RPH3A: variants seen among roughly 807,000 people sequenced by gnomAD.
RPH3A encodes the protein rabphilin 3A.
RPH3A carries 48 observed loss-of-function variants against 102.2 expected under a neutral mutation model. The ratio of observed to expected loss-of-function variants is 0.47; its 90% confidence interval spans 0.37 to 0.60. The LOEUF (loss-of-function observed/expected upper bound fraction) is 0.60, where lower values mean the gene tolerates loss of function less well. Among genes scored for constraint, RPH3A ranks in the 20% least tolerant of loss-of-function variants. The pLI, the probability that RPH3A is intolerant of heterozygous loss-of-function variation, is 0.00. For missense variants in RPH3A, 781 were observed against 910.1 expected (o/e 0.86, Z 1.83); for synonymous variants, 310 against 324.3 (o/e 0.96, Z 0.47).
In RPH3A at chr12:112,875,672, T is replaced by TG; in HGVS notation, c.884-6dup. The TG allele has an allele frequency of 6.2e-7, 1 of 1,613,198 alleles. No individual in the cohort carries two copies. Among genetic ancestry groups the TG allele is most frequent in the East Asian group, 2.2e-5 (1 of 44,836 alleles). On this transcript the variant is annotated splice_region_variant and splice_polypyrimidine_tract_variant and intron_variant, in intron 11 of 21. Coordinates refer to ENST00000389385, the MANE Select transcript of RPH3A (RefSeq NM_001143854.2). ...TGCATCTCTGTTTGTCTCCTCTCCC[T>TG]GCTCAGGGACCCCAGGAGGAAGCAG...
chr12:112,865,562 C>T lies in RPH3A; in HGVS notation c.360+19C>T, dbSNP rs761223646. ...TAAGAAGGTATCATCATCCTCTTCT[C>T]CCTTCTTCCCTGTGCAGCACCTGCA... On this transcript the variant is annotated intron_variant, in intron 6 of 21. Coordinates refer to ENST00000389385, the MANE Select transcript of RPH3A (RefSeq NM_001143854.2). 49 of 1,611,074 alleles carry T rather than the reference C, an allele frequency of 3.0e-5. No homozygotes were observed. Among genetic ancestry groups the T allele is most frequent in the Admixed American group, 6.7e-5 (4 of 59,906 alleles).
chr12:112,729,234 G>T (rs2040616663), intron 1 of RPH3A, among the ~76,000 whole-genome samples: 1 of 151,994 alleles, frequency 6.6e-6, no homozygotes, highest in Admixed American at 6.6e-5. Context: ...GACCTCCCAG[G>T]TTCGGTTTCC....
chr12:112,585,209 G>A (rs2039429810), intron 1 of RPH3A, among the ~76,000 whole-genome samples: 1 of 152,146 alleles, frequency 6.6e-6, no homozygotes, highest in South Asian at 2.1e-4. Context: ...TGATTAGATG[G>A]TGCTCACCCA....
intron 1 of RPH3A, among the ~76,000 whole-genome samples, chr12:112,586,053 A>C (rs1341795419): frequency 6.6e-6 from 1 of 152,168 alleles, no homozygotes; most frequent in East Asian, 1.9e-4. Context: ...ATATGTAAAA[A>C]GAAGAAAAAA....
intron 2 of RPH3A, among the ~76,000 whole-genome samples, chr12:112,823,977 T>C (rs138932303): frequency 0.014 from 2,092 of 152,300 alleles, 22 homozygotes; most frequent in Non-Finnish European, 0.02. Flanking sequence ...AATGAGCTCG[T>C]GGAGCAGAAC....
intron 17 of RPH3A, among the ~76,000 whole-genome samples, chr12:112,889,556 T>C (rs927700655): frequency 6.6e-6 from 1 of 152,234 alleles, no homozygotes; most frequent in Non-Finnish European, 1.5e-5. Context: ...AGGTTGGATT[T>C]AACCAATGGT....
chr12:112,713,636 G>A (rs2040495867), intron 1 of RPH3A, among the ~76,000 whole-genome samples: 1 of 152,054 alleles, frequency 6.6e-6, no homozygotes, highest in Admixed American at 6.6e-5. Flanking sequence ...TTTTGCCAGA[G>A]TAAGATAATT....
In RPH3A at chr12:112,898,188, C is replaced by G. The variant is rs1275189872; in HGVS notation, c.*1408C>G. The G allele has an allele frequency of 6.6e-6, 1 of 152,150 alleles. No homozygotes were observed. The highest frequency in any genetic ancestry group is 1.5e-5 in the Non-Finnish European group (1 of 68,028). The allele number at this position is 152,150 out of a possible 1,614,324, so 9.4% of individuals were successfully genotyped here. A position where few individuals can be genotyped will look rare whatever the true frequency, so the allele number is the denominator to read the frequency against. On this transcript the variant is annotated 3_prime_UTR_variant, in exon 22 of 22. Transcript: ENST00000389385. Reference sequence around the variant, plus strand: ...CTGATGCCAAAGGCTTTGGGCTCATCATCAATCTTTCACTTTCTTCCTATA... The same window carrying G: ...CTGATGCCAAAGGCTTTGGGCTCATGATCAATCTTTCACTTTCTTCCTATA...
chr12:112,789,117 C>A (rs2041071124), upstream of RPH3A, among the ~76,000 whole-genome samples: 1 of 152,140 alleles, frequency 6.6e-6, no homozygotes, highest in Admixed American at 6.5e-5. Flanking sequence ...GAGATCTCAC[C>A]ACTGCACTCC....
At chr12:112,865,283 G>A (rs1421672720) in intron 5 of RPH3A, 131 bp from the exon 6 acceptor site, 4 of 1,107,952 alleles carry the variant, frequency 3.6e-6, no homozygotes, top group African/African-American at 3.1e-5. Context: ...TTGGGGAAGA[G>A]TTCACAACTG....
At chr12:112,839,700 C>T (rs951433540) in intron 4 of RPH3A, among the ~76,000 whole-genome samples, 2 of 152,176 alleles carry the variant, frequency 1.3e-5, no homozygotes, top group Non-Finnish European at 2.9e-5. Context: ...GGAAAATAGA[C>T]TCTAGAGCCA....
intron 1 of RPH3A, among the ~76,000 whole-genome samples, chr12:112,677,746 GC>G (rs2040192005): frequency 6.6e-6 from 1 of 151,998 alleles, no homozygotes; most frequent in South Asian, 2.1e-4. Flanking sequence ...AAGGCACACA[GC>G]CCAGAGCTTG....
chr12:112,606,954 T>C (rs2039601235), intron 1 of RPH3A, among the ~76,000 whole-genome samples: 1 of 152,140 alleles, frequency 6.6e-6, no homozygotes. Context: ...GCAAGCAACT[T>C]CACTTCTTTG....
At chr12:112,695,029 T>TA (rs1270987905) in intron 1 of RPH3A, 6 of 170,430 alleles carry the variant, frequency 3.5e-5, no homozygotes, top group African/African-American at 1.4e-4. Context: ...AGTTTTCAGA[T>TA]AAAATACAGG....
In RPH3A at chr12:112,877,124, C is replaced by A. The variant is rs180845945; in HGVS notation, c.1171+258C>A. On this transcript the variant is annotated intron_variant, in intron 13 of 21. Transcript: ENST00000389385. Reference sequence around the variant, plus strand: ...ATAACATCAATGGTACCATGTAAATCATTTTAAAGATTGCAATTCGGTGGC... The same window carrying A: ...ATAACATCAATGGTACCATGTAAATAATTTTAAAGATTGCAATTCGGTGGC... Among the ~76,000 whole-genome samples the A allele has an allele frequency of 1.4e-4, 21 of 152,176 alleles. No homozygotes were observed. In the East Asian group the frequency reaches 3.7e-3, roughly 27 times the overall value.
intron 13 of RPH3A, among the ~76,000 whole-genome samples, chr12:112,878,709 T>C (rs1453931487): frequency 4.6e-5 from 7 of 152,196 alleles, no homozygotes; most frequent in Non-Finnish European, 7.3e-5. Context: ...GCCAACCATG[T>C]AAGGATCTAG....
intron 14 of RPH3A, among the ~76,000 whole-genome samples, chr12:112,879,714 C>G (rs1054232858): frequency 2.0e-5 from 3 of 152,210 alleles, no homozygotes; most frequent in African/African-American, 7.2e-5. Context: ...GATTCCAGAC[C>G]CCAGGGGAAA....
chr12:112,667,839 A>G (rs1215016785), intron 1 of RPH3A, among the ~76,000 whole-genome samples: 8 of 152,176 alleles, frequency 5.3e-5, no homozygotes, highest in Non-Finnish European at 1.0e-4. Context: ...GGGGACAAAT[A>G]TCTTGACCTC....
intron 1 of RPH3A, among the ~76,000 whole-genome samples, chr12:112,742,425 A>C (rs1445591171): frequency 6.6e-6 from 1 of 151,912 alleles, no homozygotes; most frequent in Non-Finnish European, 1.5e-5. Context: ...GACATGAGGA[A>C]ATGTAGGGAC....
Sources: allele counts gnomAD v4.1 joint callset (sites outside exome capture counted in the v4.1 genomes callset), GRCh38; gene constraint gnomAD v4.1.1; transcripts MANE v1.5; gene names NCBI Gene and HGNC (gene_info 2026-07-23, HGNC 2026-07-21).